Variants in RASAL2 observed in about 807,000 individuals in gnomAD.
RASAL2 encodes RAS protein activator like 2.
Under a neutral mutation model 128.9 loss-of-function variants are expected in RASAL2, and 58 were observed. That is an observed-to-expected ratio of 0.45 (90% confidence interval 0.36 to 0.56). RASAL2 has a LOEUF of 0.56. Ranked by LOEUF, RASAL2 falls within the 20% of genes least tolerant of loss-of-function variation. The pLI, the probability that RASAL2 is intolerant of heterozygous loss-of-function variation, is 0.00. For synonymous variants in RASAL2, 561 were observed against 580.8 expected (o/e 0.97, Z 0.49); for missense variants, 1,360 against 1,601.6 (o/e 0.85, Z 2.57).
chr1:178,313,031 A>C (rs1214166152), intron 3 of RASAL2, among the ~76,000 whole-genome samples: 1 of 152,218 alleles, frequency 6.6e-6, no homozygotes, highest in Non-Finnish European at 1.5e-5. Context: ...ACAGCCATTA[A>C]GTGGCAAAGA....
intron 15 of RASAL2, among the ~76,000 whole-genome samples, chr1:178,465,437 ACAT>A (rs1233271084): frequency 6.6e-6 from 1 of 152,210 alleles, no homozygotes; most frequent in African/African-American, 2.4e-5. Flanking sequence ...GAGCTAAGAC[ACAT>A]CAGAGATCCT....
chr1:178,437,837 T>C (rs757649057), intron 5 of RASAL2, among the ~76,000 whole-genome samples: 1 of 152,138 alleles, frequency 6.6e-6, no homozygotes, highest in African/African-American at 2.4e-5. Context: ...GTCTTATACA[T>C]AGAACAGAAG....
At chr1:178,153,109 C>T (rs1660968771) in intron 1 of RASAL2, among the ~76,000 whole-genome samples, 1 of 152,000 alleles carries the variant, frequency 6.6e-6, no homozygotes, top group South Asian at 2.1e-4. Flanking sequence ...CTCTCCCAAC[C>T]CCCTTTTTGT....
intron 1 of RASAL2, among the ~76,000 whole-genome samples, chr1:178,259,593 A>G (rs1362787306): frequency 6.6e-6 from 1 of 152,156 alleles, no homozygotes; most frequent in South Asian, 2.1e-4. Context: ...TTTTGTTTTT[A>G]GAGGCCAAGT....
chr1:178,235,368 ATG>A (rs1313392331), intron 1 of RASAL2, among the ~76,000 whole-genome samples: 1 of 152,200 alleles, frequency 6.6e-6, no homozygotes, highest in Non-Finnish European at 1.5e-5. Context: ...ACTGTCTACA[ATG>A]TGTGAGGTGC....
At chr1:178,397,282 T>C (rs60239605) in intron 4 of RASAL2, among the ~76,000 whole-genome samples, 10,694 of 152,250 alleles carry the variant, frequency 0.07, 1,210 homozygotes, top group African/African-American at 0.24. Flanking sequence ...CAATGGCTTA[T>C]TATTTAGCCA....
intron 1 of RASAL2, among the ~76,000 whole-genome samples, chr1:178,264,358 A>G (rs1268193695): frequency 2.0e-5 from 3 of 152,172 alleles, no homozygotes; most frequent in South Asian, 2.1e-4. Flanking sequence ...ACCAAGATAG[A>G]CTTATACAGT....
At chr1:178,110,472 A>G (rs899699505) in intron 1 of RASAL2, among the ~76,000 whole-genome samples, 8 of 148,888 alleles carry the variant, frequency 5.4e-5, no homozygotes, top group Admixed American at 4.7e-4. Flanking sequence ...AATAGTTTTT[A>G]TACTATATTT....
At chr1:178,277,172 C>T (rs993987306) in intron 1 of RASAL2, among the ~76,000 whole-genome samples, 2 of 142,328 alleles carry the variant, frequency 1.4e-5, no homozygotes, top group East Asian at 2.0e-4. Context: ...AAAAAAAAAC[C>T]AAAAACTTGT....
chr1:178,282,966 G>A (rs1047133556), intron 1 of RASAL2, among the ~76,000 whole-genome samples: 1 of 151,998 alleles, frequency 6.6e-6, no homozygotes, highest in Non-Finnish European at 1.5e-5. Flanking sequence ...CTTTAATATC[G>A]GGTACCTCCA....
intron 9 of RASAL2, among the ~76,000 whole-genome samples, chr1:178,446,735 ATACCAAAAAGAGACATTC>A (rs1371711230): frequency 6.6e-6 from 1 of 152,224 alleles, no homozygotes; most frequent in Non-Finnish European, 1.5e-5. Context: ...GGATATCTCT[ATACCAAAAAGAGACATTC>A]TGTGTTCTTT....
intron 1 of RASAL2, among the ~76,000 whole-genome samples, chr1:178,193,994 A>G (rs1662576177): frequency 6.6e-6 from 1 of 152,208 alleles, no homozygotes; most frequent in Admixed American, 6.5e-5. Flanking sequence ...CTGAGGCCCA[A>G]TCGTTAAACA....
intron 1 of RASAL2, among the ~76,000 whole-genome samples, chr1:178,205,423 A>G (rs894057724): frequency 3.3e-5 from 5 of 152,180 alleles, no homozygotes; most frequent in African/African-American, 1.2e-4. Context: ...CCAAAAGCAG[A>G]GTCATGGGTC....
chr1:178,314,943 C>A (rs371465707), intron 3 of RASAL2, among the ~76,000 whole-genome samples: 1 of 122,930 alleles, frequency 8.1e-6, no homozygotes, highest in African/African-American at 3.1e-5. Context: ...TCCCCCCTCC[C>A]CCCACCCCAC....
In RASAL2 at chr1:178,094,614, G is replaced by A; in HGVS notation, c.122G>A (p.Ser41Asn). The A allele has an allele frequency of 6.2e-7, 1 of 1,613,298 alleles. No homozygotes were observed. The highest frequency in any genetic ancestry group is 8.5e-7 in the Non-Finnish European group (1 of 1,179,738). The change falls in exon 1 of 18, where the codon AGT (serine) becomes AAT (asparagine). Residue 41 changes from serine (S) to asparagine (N), a missense_variant. Physicochemically the swap from Ser to Asn is conservative, Grantham distance 46 (BLOSUM62 1). Coordinates refer to ENST00000367649, the MANE Select transcript of RASAL2 (RefSeq NM_170692.4). ...PEDLDAVVPV[S>N]GAVAGGMLDR... ...GACCTGGACGCGGTTGTCCCAGTCA[G>A]TGGAGCCGTCGCCGGTGGCATGTTG... is the stretch of plus-strand genomic sequence containing the variant.
At chr1:178,327,024 G>C (rs1479463002) in intron 3 of RASAL2, among the ~76,000 whole-genome samples, 1 of 152,078 alleles carries the variant, frequency 6.6e-6, no homozygotes. Flanking sequence ...CTTAATAAAG[G>C]ACAAGTTTCA....
At chr1:178,290,001 A>G (rs1404257028) in intron 2 of RASAL2, among the ~76,000 whole-genome samples, 2 of 152,168 alleles carry the variant, frequency 1.3e-5, no homozygotes, top group Non-Finnish European at 2.9e-5. Context: ...CCTATTTTAA[A>G]TCACTACTGC....
intron 10 of RASAL2, 113 bp from the exon 11 acceptor site, chr1:178,452,303 T>G: frequency 2.3e-6 from 2 of 869,706 alleles, no homozygotes; most frequent in South Asian, 1.6e-5. Context: ...TTCTACTAGG[T>G]CCTCCTCACA....
chr1:178,346,225 G>A (rs531074440), intron 3 of RASAL2, among the ~76,000 whole-genome samples: 232 of 152,074 alleles, frequency 1.5e-3, no homozygotes, highest in African/African-American at 5.4e-3. Flanking sequence ...AACATAGTGA[G>A]ACCTCCCCTC....
Sources: allele counts gnomAD v4.1 joint callset (sites outside exome capture counted in the v4.1 genomes callset), GRCh38; gene constraint gnomAD v4.1.1; transcripts MANE v1.5; gene names NCBI Gene and HGNC (gene_info 2026-07-23, HGNC 2026-07-21).